The following RASGRP1 variants were observed in gnomAD, a reference collection of about 807,000 sequenced individuals.
RASGRP1 encodes the protein RAS guanyl releasing protein 1, also known as RAS guanyl-releasing protein 1.
In RASGRP1, 37 loss-of-function variants were observed where a neutral mutation model predicts 95.1. The ratio of observed to expected loss-of-function variants is 0.39; its 90% confidence interval spans 0.30 to 0.51. The LOEUF (loss-of-function observed/expected upper bound fraction) is 0.51, where lower values mean the gene tolerates loss of function less well. Among genes scored for constraint, RASGRP1 ranks in the 20% least tolerant of loss-of-function variants. RASGRP1 has a pLI of 0.80. For synonymous variants in RASGRP1, 325 were observed against 353.4 expected, an observed-to-expected ratio of 0.92 and a Z score of 0.90; for missense variants, 711 against 965.4, an observed-to-expected ratio of 0.74 and a Z score of 3.49.
intron 4 of RASGRP1, 74 bp downstream of exon 4, chr15:38,519,235 C>A: frequency 7.8e-7 from 1 of 1,277,762 alleles, no homozygotes; most frequent in Non-Finnish European, 1.1e-6. Flanking sequence ...TCAGGAAAGG[C>A]AGGGAAAGTC....
intron 2 of RASGRP1, among the ~76,000 whole-genome samples, chr15:38,553,536 C>T (rs1893420963): frequency 6.6e-6 from 1 of 152,146 alleles, no homozygotes; most frequent in Non-Finnish European, 1.5e-5. Flanking sequence ...TCCTCTGACC[C>T]ATGGGGACGG....
rs5812043 is a variant in RASGRP1, at chr15:38,524,970, C to CT, written c.326+1328dup. ...GGAACCCCGAGGTACAATTTTCTTT[C>CT]TTTTTTTTTTTTTTTGAGACAGAGT... On this transcript the variant is annotated intron_variant, in intron 3 of 16. Transcript: ENST00000310803. Among the ~76,000 whole-genome samples the CT allele has an allele frequency of 6.9e-3, 973 of 140,920 alleles. 11 individuals are homozygous for CT. The highest frequency in any genetic ancestry group is 0.022 in the African/African-American group (844 of 38,068). The allele number at this position is 140,920 out of a possible 152,430, so 92.4% of individuals were successfully genotyped here.
intron 2 of RASGRP1, among the ~76,000 whole-genome samples, chr15:38,532,304 C>A (rs1003746196): frequency 4.6e-5 from 7 of 152,312 alleles, no homozygotes; most frequent in African/African-American, 1.7e-4. Flanking sequence ...GAAAAGACTT[C>A]TTTAAAGGGT....
At chr15:38,543,557 T>C (rs1293068894) in intron 2 of RASGRP1, among the ~76,000 whole-genome samples, 1 of 149,130 alleles carries the variant, frequency 6.7e-6, no homozygotes, top group East Asian at 1.9e-4. Flanking sequence ...TCTGAAACTC[T>C]AGTCTTTTTT....
Position 38,507,889 on chromosome 15 carries a change from T to C in RASGRP1, c.1079A>G (p.Lys360Arg). 1.2e-6 allele frequency: 2 copies of C among 1,613,746 alleles called. No individual in the cohort carries two copies. The highest frequency in any genetic ancestry group is 8.5e-7 in the Non-Finnish European group (1 of 1,179,822). Residue 360 changes from lysine (K) to arginine (R), a missense_variant, in exon 9 of 17, where the codon AAG (lysine) becomes AGG (arginine). Lys to Arg is a conservative substitution (Grantham distance 26). Around this residue, in one of 3 missense-constraint regions of RASGRP1, gnomAD observed 491 missense variants for 676.6 expected, o/e 0.73. Coordinates refer to ENST00000310803, the MANE Select transcript of RASGRP1 (RefSeq NM_005739.4). ...GGCTTCATACAGGGAGATGAGGTCC[T>C]TGAGATGCACACCCAGAATGGGGAT... ...FKIPILGVHL[K>R]DLISLYEAMP... is the part of the protein sequence containing the mutation.
At chr15:38,537,403 G>A (rs765801656) in intron 2 of RASGRP1, among the ~76,000 whole-genome samples, 1 of 152,184 alleles carries the variant, frequency 6.6e-6, no homozygotes, top group Non-Finnish European at 1.5e-5. Flanking sequence ...GAAAGCAGGA[G>A]CAAGAGGGAG....
chr15:38,520,841 T>C (rs550711142), intron 3 of RASGRP1, among the ~76,000 whole-genome samples: 70 of 152,280 alleles, frequency 4.6e-4, no homozygotes, highest in Admixed American at 2.0e-3. Flanking sequence ...GCTAGACTTA[T>C]GGAAACAGTA....
intron 16 of RASGRP1, among the ~76,000 whole-genome samples, chr15:38,493,164 G>A (rs1369739924): frequency 6.8e-6 from 1 of 146,776 alleles, no homozygotes; most frequent in Non-Finnish European, 1.5e-5. Flanking sequence ...ACAGGCGTGA[G>A]CCACCACGCC....
At chr15:38,550,496 G>T (rs1433023139) in intron 2 of RASGRP1, among the ~76,000 whole-genome samples, 1 of 152,076 alleles carries the variant, frequency 6.6e-6, no homozygotes, top group Non-Finnish European at 1.5e-5. Flanking sequence ...TTCTTTTCTT[G>T]TAATGTCTTT....
chr15:38,560,263 C>G, intron 1 of RASGRP1: 1 of 499,526 alleles, frequency 2.0e-6, no homozygotes, highest in Non-Finnish European at 3.6e-6. Flanking sequence ...TACTGTCTCC[C>G]ACTTCCTGAA....
intron 16 of RASGRP1, 49 bp downstream of exon 16, chr15:38,494,333 C>T: frequency 6.2e-7 from 1 of 1,600,962 alleles, no homozygotes; most frequent in Non-Finnish European, 8.5e-7. Flanking sequence ...TGGTTTGGCC[C>T]CACTTCTCTA....
Position 38,494,539 on chromosome 15 carries a change from T to C in RASGRP1, c.2102A>G (p.Asp701Gly). 1 of 1,588,806 alleles carries C rather than the reference T, an allele frequency of 6.3e-7. No homozygotes were observed. Among genetic ancestry groups the C allele is most frequent in the Non-Finnish European group, 8.6e-7 (1 of 1,167,072 alleles). Reference protein sequence around the residue: ...VLSSPRKTAQDTLYVLPSPTS... With the variant: ...VLSSPRKTAQGTLYVLPSPTS... ...GGGACTGGGAAGCACATATAGAGTATCCTGGGCTGTCTTCCTTGGGGAAGA... is the reference window on the plus strand; with the variant it reads ...GGGACTGGGAAGCACATATAGAGTACCCTGGGCTGTCTTCCTTGGGGAAGA... The change falls in exon 16 of 17, where the codon GAT becomes GGT. Residue 701 changes from aspartate to glycine, a missense_variant. Physicochemically the swap from Asp to Gly is moderately conservative, Grantham distance 94 (BLOSUM62 -1). Transcript: ENST00000310803.
chr15:38,559,949 G>T lies in RASGRP1; in HGVS notation c.92C>A (p.Ala31Asp). Residue 31 changes from alanine (A) to aspartate (D), a missense_variant, in exon 2 of 17, where the codon GCC (alanine) becomes GAC (aspartate). Coordinates refer to ENST00000310803, the MANE Select transcript of RASGRP1 (RefSeq NM_005739.4). Reference protein sequence around the residue: ...ASKARLEAKPANSPFPSHPSL... With the variant: ...ASKARLEAKPDNSPFPSHPSL... ...GGGATGGGAGGGGAAGGGGCTGTTGGCTGGCTTTGCCTCTAGTCTTGCTTT... is the reference window on the plus strand; with the variant it reads ...GGGATGGGAGGGGAAGGGGCTGTTGTCTGGCTTTGCCTCTAGTCTTGCTTT... The T allele has an allele frequency of 6.2e-7, 1 of 1,613,588 alleles. No homozygotes were observed. Among genetic ancestry groups the T allele is most frequent in the Non-Finnish European group, 8.5e-7 (1 of 1,179,664 alleles).
chr15:38,554,558 G>C (rs1893475825), intron 2 of RASGRP1, among the ~76,000 whole-genome samples: 1 of 152,120 alleles, frequency 6.6e-6, no homozygotes, highest in East Asian at 1.9e-4. Context: ...TGAATGAAGG[G>C]GATTTCCCAT....
intron 3 of RASGRP1, among the ~76,000 whole-genome samples, chr15:38,522,188 A>G (rs1892028018): frequency 6.6e-6 from 1 of 152,218 alleles, no homozygotes; most frequent in Non-Finnish European, 1.5e-5. Context: ...GGGAGACGAC[A>G]CACAAATAGG....
At chr15:38,509,603 G>C (rs1483322006) in intron 8 of RASGRP1, among the ~76,000 whole-genome samples, 1 of 152,176 alleles carries the variant, frequency 6.6e-6, no homozygotes, top group Non-Finnish European at 1.5e-5. Flanking sequence ...GCACACGCCT[G>C]TAGTCCCAGC....
chr15:38,500,151 G>A lies in RASGRP1; in HGVS notation c.1684-12C>T. On this transcript the variant is annotated splice_polypyrimidine_tract_variant and intron_variant, in intron 13 of 16. Coordinates refer to ENST00000310803, the MANE Select transcript of RASGRP1 (RefSeq NM_005739.4). The stretch of plus-strand genomic sequence containing the variant: ...ATCACTCCCCAGAGCTATGAAACAA[G>A]AGACAGAATGCACCACATGTCATTC... The A allele has an allele frequency of 1.2e-6, 2 of 1,612,816 alleles. No individual in the cohort carries two copies. The highest frequency in any genetic ancestry group is 1.1e-5 in the South Asian group (1 of 91,056).
intron 10 of RASGRP1, 49 bp from the exon 11 acceptor site, chr15:38,503,425 T>G (rs1337491712): frequency 1.5e-6 from 2 of 1,334,428 alleles, no homozygotes; most frequent in African/African-American, 2.9e-5. Context: ...TGCAATATTA[T>G]AACCTATAGC....
intron 3 of RASGRP1, 145 bp from the exon 4 acceptor site, chr15:38,519,516 T>A: frequency 1.5e-6 from 1 of 668,004 alleles, no homozygotes; most frequent in Non-Finnish European, 2.6e-6. Context: ...GGCCAAAGGA[T>A]AAAAACCAAC....
Sources: allele counts gnomAD v4.1 joint callset (sites outside exome capture counted in the v4.1 genomes callset), GRCh38; gene constraint gnomAD v4.1.1; regional missense constraint gnomAD v4.1.1; transcripts MANE v1.5; gene names NCBI Gene and HGNC (gene_info 2026-07-23, HGNC 2026-07-21).